RIMKLB: variants seen among roughly 807,000 people sequenced by gnomAD.
RIMKLB encodes the protein ribosomal modification protein rimK like family member B.
In RIMKLB, 7 loss-of-function variants were observed where a neutral mutation model predicts 32.0. That is an observed-to-expected ratio of 0.22 (90% CI 0.12 to 0.41). RIMKLB has a LOEUF of 0.41. RIMKLB is among the 10% of genes least tolerant of loss of function. The probability of loss-of-function intolerance (pLI) is 1.00; values close to 1 mark genes in which losing one functional copy is unlikely to be tolerated. For synonymous variants in RIMKLB, 172 were observed against 185.1 expected, an observed-to-expected ratio of 0.93 and a Z score of 0.57; for missense variants, 289 against 498.7, an observed-to-expected ratio of 0.58 and a Z score of 4.00.
At chr12:8,716,212 G>A (rs1944814458) in intron 2 of RIMKLB, among the ~76,000 whole-genome samples, 1 of 152,148 alleles carries the variant, frequency 6.6e-6, no homozygotes, top group Non-Finnish European at 1.5e-5. Flanking sequence ...TTAAAAGTGT[G>A]TAGGTTGAAA....
chr12:8,742,445 G>C (rs1007304086), intron 2 of RIMKLB: 1 of 360,166 alleles, frequency 2.8e-6, no homozygotes, highest in Non-Finnish European at 5.4e-6. Flanking sequence ...GAACCTTTAT[G>C]TCCTACAAAG....
At chr12:8,761,808 G>A (rs374558227) in intron 5 of RIMKLB, among the ~76,000 whole-genome samples, 68 of 152,240 alleles carry the variant, frequency 4.5e-4, no homozygotes, top group African/African-American at 1.4e-3. Flanking sequence ...GCTTTTAACT[G>A]CTTCCTGCTG....
chr12:8,682,824 A>G (rs975187289), intron 1 of RIMKLB, among the ~76,000 whole-genome samples: 2 of 150,342 alleles, frequency 1.3e-5, no homozygotes, highest in African/African-American at 4.9e-5. Flanking sequence ...AAAAAAAGAA[A>G]CGAGGTTTCT....
the RIMKLB span, among the ~76,000 whole-genome samples, chr12:8,672,767 T>A: frequency 6.6e-6 from 1 of 152,184 alleles, no homozygotes. Context: ...CGCCTCCCCG[T>A]GCTCCTGCTT....
At chr12:8,720,524 G>A (rs192706170) in intron 2 of RIMKLB, among the ~76,000 whole-genome samples, 279 of 152,226 alleles carry the variant, frequency 1.8e-3, no homozygotes, top group African/African-American at 6.5e-3. Context: ...TTCCCTTTGA[G>A]GGTAAAGTAT....
chr12:8,737,952 G>C (rs1947169015), intron 2 of RIMKLB, among the ~76,000 whole-genome samples: 1 of 152,164 alleles, frequency 6.6e-6, no homozygotes, highest in African/African-American at 2.4e-5. Context: ...GACCTCAGGT[G>C]ATCCGCCTGC....
At chr12:8,738,003 T>C (rs771158881) in intron 2 of RIMKLB, among the ~76,000 whole-genome samples, 8 of 152,308 alleles carry the variant, frequency 5.3e-5, no homozygotes, top group African/African-American at 1.7e-4. Flanking sequence ...TGTGAGCCAC[T>C]GCGCCTGGCC....
chr12:8,695,212 C>T (rs1400773255), upstream of RIMKLB, among the ~76,000 whole-genome samples: 6 of 140,074 alleles, frequency 4.3e-5, no homozygotes, highest in Non-Finnish European at 7.9e-5. Flanking sequence ...CCGCCCCGCC[C>T]GGCCCCGACA....
In RIMKLB at chr12:8,774,660, A is replaced by G; in HGVS notation, c.*876A>G. 2.0e-6 allele frequency: 2 copies of G among 984,648 alleles called. No individual in the cohort carries two copies. Among genetic ancestry groups the G allele is most frequent in the African/African-American group, 1.8e-5 (1 of 56,892 alleles). 61.0% of individuals were successfully genotyped at this position (984,648 alleles called of 1,614,324 possible). A position where few individuals can be genotyped will look rare whatever the true frequency, so the allele number is the denominator to read the frequency against. ...CAATGGCCAAAGTGAAGAAAATGCTACCTTTTTTGTTAACAAGACACTGAC... is the reference window on the plus strand; with the variant it reads ...CAATGGCCAAAGTGAAGAAAATGCTGCCTTTTTTGTTAACAAGACACTGAC... On this transcript the variant is annotated 3_prime_UTR_variant, in exon 6 of 6. Coordinates refer to ENST00000535829, the MANE Select transcript of RIMKLB (RefSeq NM_001297776.2).
At chr12:8,705,297 C>T (rs1351997177) in intron 1 of RIMKLB, among the ~76,000 whole-genome samples, 2 of 151,660 alleles carry the variant, frequency 1.3e-5, no homozygotes, top group East Asian at 1.9e-4. Context: ...GCCAACATGG[C>T]GAAACTCCAT....
At chr12:8,712,704 C>A (rs1469220794) in intron 1 of RIMKLB, among the ~76,000 whole-genome samples, 2 of 152,176 alleles carry the variant, frequency 1.3e-5, no homozygotes, top group Non-Finnish European at 2.9e-5. Flanking sequence ...CTCTGCCCAG[C>A]AATGCTCTGG....
At chr12:8,779,656 T>G (rs1950921499), downstream of RIMKLB, 1 of 152,130 alleles carries the variant, frequency 6.6e-6, no homozygotes, top group African/African-American at 2.4e-5. Flanking sequence ...ATGAAGGCAG[T>G]GGGAGGGTGG....
chr12:8,773,988 C>T lies in RIMKLB; in HGVS notation c.*204C>T, dbSNP rs73247491. 3,239 of 1,378,824 alleles carry T rather than the reference C, an allele frequency of 2.3e-3. 78 individuals are homozygous for T. In the African/African-American group the frequency reaches 0.041, roughly 18 times the overall value. 85.4% of individuals were successfully genotyped at this position (1,378,824 alleles called of 1,614,324 possible). ...TTTACAAATCCTACAAATAGAGAGG[C>T]AGAATAGGTGGGGTATAGAAAAATG... On this transcript the variant is annotated 3_prime_UTR_variant, in exon 6 of 6. Transcript: ENST00000535829.
At chr12:8,692,311 T>C (rs907117477), upstream of RIMKLB, among the ~76,000 whole-genome samples, 3 of 152,198 alleles carry the variant, frequency 2.0e-5, no homozygotes, top group African/African-American at 7.2e-5. Flanking sequence ...ATTTTACAAA[T>C]GGTTATTTTG....
chr12:8,772,591 G>A (rs1950500803), intron 5 of RIMKLB, among the ~76,000 whole-genome samples: 1 of 152,178 alleles, frequency 6.6e-6, no homozygotes, highest in Non-Finnish European at 1.5e-5. Flanking sequence ...AGCCTCAGTG[G>A]TAGGGAGGAT....
chr12:8,765,627 C>CAT (rs1245420768), intron 5 of RIMKLB, among the ~76,000 whole-genome samples: 1 of 152,170 alleles, frequency 6.6e-6, no homozygotes, highest in East Asian at 1.9e-4. Flanking sequence ...GAAAAAGGTA[C>CAT]ATGCACTCTG....
intron 1 of RIMKLB, among the ~76,000 whole-genome samples, chr12:8,690,224 T>C (rs1302428206): frequency 6.6e-6 from 1 of 152,252 alleles, no homozygotes; most frequent in Non-Finnish European, 1.5e-5. Flanking sequence ...TAAATGGAGT[T>C]ATACTTTATC....
At position 8,774,797 on chromosome 12, in the gene RIMKLB, G is replaced by C. The variant is rs1340993178; in HGVS notation, c.*1013G>C. 1 of 985,530 alleles carries C rather than the reference G, an allele frequency of 1.0e-6. No homozygotes were observed. The highest frequency in any genetic ancestry group is 1.2e-6 in the Non-Finnish European group (1 of 829,876). The allele number at this position is 985,530 out of a possible 1,614,324, so 61.0% of individuals were successfully genotyped here. ...TTGGGGGCAAATCAAGAGCCTATGA[G>C]TTCTAAGTATAAAGCTGAAGTGATT... On this transcript the variant is annotated 3_prime_UTR_variant, in exon 6 of 6. Coordinates refer to ENST00000535829, the MANE Select transcript of RIMKLB (RefSeq NM_001297776.2).
downstream of RIMKLB, chr12:8,777,746 A>G (rs1029727880): frequency 3.2e-5 from 38 of 1,197,504 alleles, no homozygotes; most frequent in Non-Finnish European, 4.0e-5. Context: ...ATGCAGCTGT[A>G]TAATGAATGG....
Sources: gnomAD v4.1 joint callset for allele counts (sites outside exome capture counted in the v4.1 genomes callset) on GRCh38, gnomAD v4.1.1 for gene constraint, MANE v1.5 for transcripts, NCBI Gene and HGNC (gene_info 2026-07-23, HGNC 2026-07-21) for gene names.